The following QPCTL variants were observed in gnomAD, a reference collection of about 807,000 sequenced individuals.
QPCTL encodes glutaminyl-peptide cyclotransferase-like protein.
QPCTL carries 31 observed loss-of-function variants against 34.6 expected under a neutral mutation model. That is an observed-to-expected ratio of 0.90 (90% CI 0.67 to 1.21). The LOEUF is 1.21. QPCTL is among the 50% of genes most tolerant of loss of function. The pLI is 0.00. For synonymous variants in QPCTL, 223 were observed against 226.9 expected (o/e 0.98, Z 0.15); for missense variants, 474 against 507.8 (o/e 0.93, Z 0.64).
At chr19:45,697,544 C>G (rs567104294) in intron 3 of QPCTL, among the ~76,000 whole-genome samples, 163 of 152,302 alleles carry the variant, frequency 1.1e-3, no homozygotes, top group Non-Finnish European at 1.6e-3. Context: ...AAAGCCCACA[C>G]TCCTTGGCCC....
chr19:45,693,767 G>GCAA (rs761659256), intron 2 of QPCTL, among the ~76,000 whole-genome samples: 4 of 152,206 alleles, frequency 2.6e-5, no homozygotes, highest in Non-Finnish European at 5.9e-5. Context: ...CTAGGCATAG[G>GCAA]CAACAGACAG....
At chr19:45,699,717 G>A (rs1967773451) in intron 5 of QPCTL, among the ~76,000 whole-genome samples, 2 of 151,962 alleles carry the variant, frequency 1.3e-5, no homozygotes, top group African/African-American at 4.8e-5. Flanking sequence ...GATCACCTGA[G>A]GTTAGGAGTT....
At chr19:45,695,782 C>T in intron 3 of QPCTL, 64 bp downstream of exon 3, 1 of 1,483,132 alleles carries the variant, frequency 6.7e-7, no homozygotes. Context: ...CCCCACCCTC[C>T]CTTGCCTGGA....
intron 5 of QPCTL, among the ~76,000 whole-genome samples, chr19:45,700,884 G>A (rs558102267): frequency 2.8e-4 from 43 of 151,336 alleles, no homozygotes; most frequent in South Asian, 8.4e-4. Flanking sequence ...GCTTGAACCC[G>A]GGAGGCGGAG....
chr19:45,698,149 A>G, intron 3 of QPCTL, among the ~76,000 whole-genome samples: 1 of 151,862 alleles, frequency 6.6e-6, no homozygotes, highest in African/African-American at 2.4e-5. Flanking sequence ...AGGCTGAGGC[A>G]GGAGAATCTC....
intron 2 of QPCTL, among the ~76,000 whole-genome samples, chr19:45,694,425 C>T (rs1967648650): frequency 6.6e-6 from 1 of 151,988 alleles, no homozygotes; most frequent in African/African-American, 2.4e-5. Flanking sequence ...AATGCTACCT[C>T]ATCCACTTAG....
chr19:45,695,398 C>T (rs1335111106), intron 2 of QPCTL, 39 bp from the exon 3 acceptor site: 7 of 1,572,698 alleles, frequency 4.5e-6, no homozygotes, highest in Non-Finnish European at 6.1e-6. Flanking sequence ...ACCTCCTCCC[C>T]AGTCCCCGTC....
Position 45,701,774 on chromosome 19 carries a change from C to T in QPCTL, c.887-24C>T, listed in dbSNP as rs773759060. 32 of 1,574,278 alleles carry T rather than the reference C, an allele frequency of 2.0e-5. No individual in the cohort carries two copies. The African/African-American group carries it at 4.2e-4, about 21-fold the overall frequency. On this transcript the variant is annotated intron_variant, in intron 5 of 6. Transcript: ENST00000012049. The stretch of plus-strand genomic sequence containing the variant: ...TTCGACTACTAAGGACTAACCCTTC[C>T]TCTCTAATCGCCCCCACTTCCAGAG...
rs1568539032 is a variant in QPCTL, at chr19:45,698,638, AC to A, written c.727del (p.Leu243TrpfsTer50). The A allele has an allele frequency of 2.5e-6, 4 of 1,614,070 alleles. No individual in the cohort carries two copies. Among genetic ancestry groups the A allele is most frequent in the Non-Finnish European group, 3.4e-6 (4 of 1,180,014 alleles). ...AAGGACTCCCTTTACGGTTCCCGGC[AC>A]CTGGCCCAGCTCATGGAGTCTATAC... ...GPKDSLYGSR[H>X]LAQLMESIPH... On this transcript the variant is annotated frameshift_variant, in exon 4 of 7. Transcript: ENST00000012049. LOFTEE classifies it high-confidence loss of function.
In QPCTL at chr19:45,692,913, G is replaced by A. The variant is rs1314887419; in HGVS notation, c.207+3G>A. ...TGCCGCTGGGCCGGGAGCTGCGGGT[G>A]AGGCTGGGCGGGGACCCGGGCACCG... On this transcript the variant is annotated splice_donor_region_variant and intron_variant, in intron 1 of 6. Transcript: ENST00000012049. 4.6e-6 allele frequency: 7 copies of A among 1,535,570 alleles called. No individual in the cohort carries two copies. Among genetic ancestry groups the A allele is most frequent in the Non-Finnish European group, 6.1e-6 (7 of 1,144,336 alleles).
chr19:45,699,342 T>TA (rs995343727), intron 5 of QPCTL, among the ~76,000 whole-genome samples: 14 of 149,780 alleles, frequency 9.3e-5, no homozygotes, highest in East Asian at 6.0e-4. Context: ...CCCCATCTCT[T>TA]AAAAAAAAAT....
At chr19:45,695,825 T>G (rs1967681893) in intron 3 of QPCTL, 107 bp downstream of exon 3, 3 of 1,242,166 alleles carry the variant, frequency 2.4e-6, no homozygotes, top group East Asian at 2.6e-5. Context: ...CCCACTCTAC[T>G]CCACGCACAG....
At chr19:45,695,293 A>AAAAAG in intron 2 of QPCTL, 144 bp from the exon 3 acceptor site, 1 of 808,192 alleles carries the variant, frequency 1.2e-6, no homozygotes, top group South Asian at 1.8e-5. Flanking sequence ...CTCAAAAAAA[A>AAAAAG]AAAGAAAGAA....
rs138865149 is a variant in QPCTL at position 45,701,837 on chromosome 19, C to T, written c.926C>T (p.Pro309Leu). 3.1e-6 allele frequency: 5 copies of T among 1,614,024 alleles called. No individual in the cohort carries two copies. Among genetic ancestry groups the T allele is most frequent in the Non-Finnish European group, 4.2e-6 (5 of 1,179,968 alleles). Residue 309 changes from proline to leucine, a missense_variant, in exon 6 of 7, where the codon CCC (proline) becomes CTC (leucine). By Grantham distance (98) the Pro-to-Leu change is moderately conservative. Coordinates refer to ENST00000012049, the MANE Select transcript of QPCTL (RefSeq NM_017659.4). The stretch of plus-strand genomic sequence containing the variant: ...CGTTTGAACCTGCTGCAGTCTCATC[C>T]CCAGGAAGTGATGTACTTCCAACCC... ...LHRLNLLQSH[P>L]QEVMYFQPGE...
At position 45,695,588 on chromosome 19, in the gene QPCTL, A is replaced by G. The variant is rs943519678; in HGVS notation, c.503A>G (p.His168Arg). 4.3e-6 allele frequency: 7 copies of G among 1,613,952 alleles called. No individual in the cohort carries two copies. Among genetic ancestry groups the G allele is most frequent in the African/African-American group, 1.3e-5 (1 of 74,914 alleles). Reference sequence around the variant, plus strand: ...GCCCGTCACCTCACCCTTGCCTGCCATTATGACTCGAAGCTCTTCCCACCC... The same window carrying G: ...GCCCGTCACCTCACCCTTGCCTGCCGTTATGACTCGAAGCTCTTCCCACCC... ...RAARHLTLACHYDSKLFPPGS... is the reference protein window; with the variant it reads ...RAARHLTLACRYDSKLFPPGS... The change falls in exon 3 of 7, where the codon CAT becomes CGT. Residue 168 changes from histidine to arginine, a missense_variant. Transcript: ENST00000012049.
At chr19:45,699,003 C>A in intron 5 of QPCTL, 103 bp downstream of exon 5, 1 of 957,010 alleles carries the variant, frequency 1.0e-6, no homozygotes, top group Non-Finnish European at 1.6e-6. Context: ...GCTCATCCAC[C>A]AGTCTGGGCC....
intron 2 of QPCTL, among the ~76,000 whole-genome samples, chr19:45,694,047 G>C (rs527241802): frequency 2.6e-5 from 4 of 152,190 alleles, no homozygotes; most frequent in Non-Finnish European, 5.9e-5. Flanking sequence ...GCTCCGAGCT[G>C]GTGCTGTAAT....
At chr19:45,701,685 G>C in intron 5 of QPCTL, 113 bp from the exon 6 acceptor site, 2 of 767,740 alleles carry the variant, frequency 2.6e-6, no homozygotes, top group Non-Finnish European at 4.3e-6. Context: ...ATTCACTCTT[G>C]TTGGGCTGAC....
chr19:45,702,823 A>C (rs1004256486), intron 6 of QPCTL, 81 bp from the exon 7 acceptor site: 8 of 1,560,756 alleles, frequency 5.1e-6, no homozygotes, highest in Non-Finnish European at 4.4e-6. Flanking sequence ...TGGCAAGGCA[A>C]GGTTACCTAG....
Sources: allele counts gnomAD v4.1 joint callset (sites outside exome capture counted in the v4.1 genomes callset), GRCh38; gene constraint gnomAD v4.1.1; transcripts MANE v1.5; gene names NCBI Gene and HGNC (gene_info 2026-07-23, HGNC 2026-07-21).